The following ARHGAP26 variants were observed in gnomAD, a reference collection of about 807,000 sequenced individuals.
ARHGAP26 encodes Rho GTPase activating protein 26, also known as rho GTPase-activating protein 26.
A neutral mutation model predicts 104.8 loss-of-function variants in ARHGAP26; 38 were observed. The observed-to-expected ratio is 0.36, with a 90% CI of 0.28 to 0.48. The LOEUF is 0.48. ARHGAP26 is among the 20% of genes least tolerant of loss of function. The probability of loss-of-function intolerance (pLI) is 0.99; values close to 1 mark genes in which losing one functional copy is unlikely to be tolerated. For synonymous variants in ARHGAP26, 341 were observed against 340.0 expected, an observed-to-expected ratio of 1.00 and a Z score of -0.03; for missense variants, 704 against 947.9, an observed-to-expected ratio of 0.74 and a Z score of 3.38.
intron 7 of ARHGAP26, among the ~76,000 whole-genome samples, chr5:142,903,003 A>T (rs26692): frequency 2.0e-5 from 3 of 152,174 alleles, no homozygotes; most frequent in Non-Finnish European, 4.4e-5. Flanking sequence ...TGATCCTTCA[A>T]AGTCGCCCTG....
intron 17 of ARHGAP26, among the ~76,000 whole-genome samples, chr5:143,069,243 C>T (rs142423711): frequency 4.6e-5 from 7 of 152,246 alleles, no homozygotes; most frequent in Non-Finnish European, 8.8e-5. Context: ...TTTGTTTACT[C>T]GTTGTTTTCT....
chr5:142,966,732 GTTTTA>G (rs767686141), intron 11 of ARHGAP26, among the ~76,000 whole-genome samples: 2 of 151,970 alleles, frequency 1.3e-5, no homozygotes, highest in Non-Finnish European at 2.9e-5. Flanking sequence ...TTTTTCAAAT[GTTTTA>G]TTTTACTTTA....
intron 12 of ARHGAP26, among the ~76,000 whole-genome samples, chr5:143,024,984 A>G (rs1191439410): frequency 6.6e-6 from 1 of 152,186 alleles, no homozygotes. Context: ...TAATAATTAA[A>G]TCTTTGGTTT....
chr5:143,090,383 A>C (rs1180669285), intron 17 of ARHGAP26, among the ~76,000 whole-genome samples: 1 of 152,232 alleles, frequency 6.6e-6, no homozygotes, highest in African/African-American at 2.4e-5. Context: ...CCAACCAGGC[A>C]TTTGCATCTT....
chr5:143,197,639 C>T (rs1359548772), intron 20 of ARHGAP26, among the ~76,000 whole-genome samples: 1 of 152,142 alleles, frequency 6.6e-6, no homozygotes, highest in Non-Finnish European at 1.5e-5. Context: ...TGTAGGCTGC[C>T]TTTTTACCCT....
At chr5:142,792,975 G>T (rs1760167331) in intron 1 of ARHGAP26, among the ~76,000 whole-genome samples, 1 of 152,218 alleles carries the variant, frequency 6.6e-6, no homozygotes, top group Admixed American at 6.5e-5. Flanking sequence ...AAAGGTTGGA[G>T]GAACTTTGGC....
chr5:143,154,659 G>C (rs1021821796), intron 20 of ARHGAP26, among the ~76,000 whole-genome samples: 9 of 152,120 alleles, frequency 5.9e-5, no homozygotes, highest in Non-Finnish European at 4.4e-5. Flanking sequence ...AGGAACTTCT[G>C]CTGTAGAGGC....
chr5:143,160,214 C>T (rs914355848), intron 20 of ARHGAP26, among the ~76,000 whole-genome samples: 2 of 151,964 alleles, frequency 1.3e-5, no homozygotes, highest in Non-Finnish European at 2.9e-5. Context: ...TGCCCGCCAC[C>T]ACACCTTGCT....
intron 1 of ARHGAP26, among the ~76,000 whole-genome samples, chr5:142,852,747 T>A (rs953915072): frequency 2.0e-5 from 3 of 152,238 alleles, no homozygotes; most frequent in African/African-American, 7.2e-5. Context: ...CCTGGAACTC[T>A]GTCATCATGA....
chr5:143,073,927 A>G (rs926055332), intron 17 of ARHGAP26, among the ~76,000 whole-genome samples: 8 of 152,226 alleles, frequency 5.3e-5, no homozygotes, highest in African/African-American at 1.9e-4. Context: ...CAGGACAGTC[A>G]ATCCTTGGTT....
At chr5:142,985,683 T>C (rs1774607137) in intron 11 of ARHGAP26, among the ~76,000 whole-genome samples, 1 of 116,812 alleles carries the variant, frequency 8.6e-6, no homozygotes, top group Non-Finnish European at 1.7e-5. Flanking sequence ...CAGGCCCTGG[T>C]GTGTGATGTT....
intron 1 of ARHGAP26, among the ~76,000 whole-genome samples, chr5:142,849,037 T>G (rs1006916058): frequency 1.1e-4 from 16 of 152,242 alleles, no homozygotes; most frequent in African/African-American, 3.9e-4. Context: ...ATGTTGTTTA[T>G]TGGTTCCATG....
chr5:142,855,412 C>A (rs116810738), intron 1 of ARHGAP26, among the ~76,000 whole-genome samples: 2 of 152,180 alleles, frequency 1.3e-5, no homozygotes, highest in African/African-American at 4.8e-5. Flanking sequence ...TAAGGAGGCT[C>A]TCGTATCTTT....
Position 142,963,163 on chromosome 5 carries a change from G to GATAT in ARHGAP26, c.1107+31038_1107+31039insATAT, listed in dbSNP as rs1562163912. On this transcript the variant is annotated intron_variant, in intron 11 of 22. Coordinates refer to ENST00000645722, the MANE Select transcript of ARHGAP26 (RefSeq NM_001135608.3). ...TTTTTATGGCTGTGTAGTATTCCATGGTATATATGTATATATATATATATA... is the reference window on the plus strand; with the variant it reads ...TTTTTATGGCTGTGTAGTATTCCATGATATGTATATATGTATATATATATATATA... 6.5e-4 allele frequency among the ~76,000 whole-genome samples: 73 copies of GATAT among 112,152 alleles called. 3 individuals carry two copies. The highest frequency in any genetic ancestry group is 1.7e-3 in the African/African-American group (39 of 22,986). 73.6% of individuals were successfully genotyped at this position (112,152 alleles called of 152,430 possible).
chr5:142,973,556 ACT>A (rs1197002434), intron 11 of ARHGAP26, among the ~76,000 whole-genome samples: 1 of 152,166 alleles, frequency 6.6e-6, no homozygotes, highest in Non-Finnish European at 1.5e-5. Context: ...GTTTGATTTT[ACT>A]CCATGCACAA....
intron 19 of ARHGAP26, among the ~76,000 whole-genome samples, chr5:143,142,722 G>A (rs1388191592): frequency 6.6e-6 from 1 of 152,016 alleles, no homozygotes; most frequent in African/African-American, 2.4e-5. Flanking sequence ...CATGTACTTG[G>A]GTATTTCCCA....
intron 1 of ARHGAP26, among the ~76,000 whole-genome samples, chr5:142,853,688 C>T (rs998350280): frequency 6.6e-6 from 1 of 152,176 alleles, no homozygotes; most frequent in Non-Finnish European, 1.5e-5. Context: ...TTCAACAAAT[C>T]GTTGTCTATC....
chr5:143,187,174 G>C (rs572282426), intron 20 of ARHGAP26, among the ~76,000 whole-genome samples: 1 of 152,260 alleles, frequency 6.6e-6, no homozygotes, highest in South Asian at 2.1e-4. Context: ...GGGACACAGA[G>C]GTTAAGTTGC....
intron 1 of ARHGAP26, among the ~76,000 whole-genome samples, chr5:142,805,814 G>A (rs554335395): frequency 1.3e-5 from 2 of 152,144 alleles, no homozygotes; most frequent in Non-Finnish European, 2.9e-5. Flanking sequence ...TGCATATTTG[G>A]TAGGGTGGGT....
Sources: gnomAD v4.1 joint callset for allele counts (sites outside exome capture counted in the v4.1 genomes callset) on GRCh38, gnomAD v4.1.1 for gene constraint, MANE v1.5 for transcripts, NCBI Gene and HGNC (gene_info 2026-07-23, HGNC 2026-07-21) for gene names.